Variants in EXOSC7 observed in about 807,000 individuals in gnomAD.
The protein encoded by EXOSC7 is exosome component 7.
Under a neutral mutation model 34.3 loss-of-function variants are expected in EXOSC7, and 25 were observed. The ratio of observed to expected loss-of-function variants is 0.73; its 90% CI spans 0.53 to 1.02. EXOSC7 has a LOEUF of 1.02. Ranked by LOEUF, EXOSC7 falls within the 50% of genes least tolerant of loss-of-function variation. The probability of loss-of-function intolerance (pLI) is 0.00; values close to 1 mark genes in which losing one functional copy is unlikely to be tolerated. For missense variants in EXOSC7, 370 were observed against 368.5 expected (o/e 1.00, Z -0.03); for synonymous variants, 130 against 143.0 (o/e 0.91, Z 0.65).
In EXOSC7 at chr3:45,001,594, T is replaced by C; in HGVS notation, c.477T>C (p.Ala159=). 1.2e-6 allele frequency: 2 copies of C among 1,612,656 alleles called. No homozygotes were observed. Among genetic ancestry groups the C allele is most frequent in the South Asian group, 1.1e-5 (1 of 91,056 alleles). The change falls in exon 5 of 8, where the codon GCT becomes GCC. Residue 159 remains alanine (A), a synonymous_variant. Transcript: ENST00000265564. The part of the protein sequence containing the change: ...FDAISIAVKA[A]LFNTRIPRVR... ...CCATTTCCATTGCTGTAAAGGCTGC[T>C]CTCTTCAATACAAGGTAAGTCTTCC...
At chr3:45,003,355 G>C (rs1706939200) in intron 5 of EXOSC7, among the ~76,000 whole-genome samples, 1 of 145,258 alleles carries the variant, frequency 6.9e-6, no homozygotes, top group Non-Finnish European at 1.5e-5. Context: ...GCGTGCGTGT[G>C]TGTGTGTATG....
intron 4 of EXOSC7, among the ~76,000 whole-genome samples, chr3:44,998,031 G>GTTTTT (rs200353427): frequency 7.7e-5 from 11 of 142,842 alleles, no homozygotes; most frequent in Admixed American, 7.0e-5. Flanking sequence ...ATTTTTTTTT[G>GTTTTT]TTTTTTTGTT....
At chr3:45,008,695 T>G (rs1275985276) in intron 7 of EXOSC7, among the ~76,000 whole-genome samples, 1 of 152,252 alleles carries the variant, frequency 6.6e-6, no homozygotes, top group East Asian at 1.9e-4. Context: ...GCAGCTCTTA[T>G]TCTCTGTGCT....
At chr3:44,988,988 T>C (rs1327892400) in intron 1 of EXOSC7, 152 bp from the exon 2 acceptor site, 1 of 603,490 alleles carries the variant, frequency 1.7e-6, no homozygotes, top group Non-Finnish European at 3.0e-6. Context: ...ATAGTAATGT[T>C]GTTGTTAGCT....
At chr3:45,011,589 A>AC (rs1414984682), downstream of EXOSC7, 3 of 312,630 alleles carry the variant, frequency 9.6e-6, no homozygotes, top group Non-Finnish European at 1.7e-5. Context: ...ACCAAGGGAG[A>AC]CCCCCACAAG....
At chr3:44,990,738 A>G (rs1472184203) in intron 3 of EXOSC7, among the ~76,000 whole-genome samples, 3 of 152,232 alleles carry the variant, frequency 2.0e-5, no homozygotes, top group Non-Finnish European at 4.4e-5. Context: ...TGCTTAATAC[A>G]TAATGAAGTT....
intron 1 of EXOSC7, among the ~76,000 whole-genome samples, chr3:44,984,994 CCATGAGT>C (rs1283187779): frequency 1.3e-5 from 2 of 152,224 alleles, no homozygotes; most frequent in African/African-American, 4.8e-5. Flanking sequence ...TGGCCTGGAA[CCATGAGT>C]CATGTTCCTA....
Position 44,989,630 on chromosome 3 carries a change from G to A in EXOSC7, c.240G>A (p.Glu80=). ...KLEKPNEGYL[E]FFVDCSASAT... ...AGAAACCAAATGAAGGCTACTTGGA[G>A]TTCTTTGTTGACTGGTCAGTACTGT... Residue 80 remains glutamate (E), a synonymous_variant, in exon 3 of 8, where the codon GAG becomes GAA. Transcript: ENST00000265564. 6.2e-7 allele frequency: 1 copy of A among 1,612,676 alleles called. No homozygotes were observed. The highest frequency in any genetic ancestry group is 1.1e-5 in the South Asian group (1 of 91,012).
At chr3:45,011,129 T>C in intron 7 of EXOSC7, 106 bp from the exon 8 acceptor site, 2 of 528,676 alleles carry the variant, frequency 3.8e-6, no homozygotes, top group Non-Finnish European at 6.5e-6. Flanking sequence ...GCAGATGGAA[T>C]GTGTACAATG....
chr3:44,976,879 C>G (rs188601162), intron 1 of EXOSC7, among the ~76,000 whole-genome samples: 68 of 152,284 alleles, frequency 4.5e-4, no homozygotes, highest in African/African-American at 1.4e-3. Flanking sequence ...GTCAAGAGAC[C>G]GTCCTGACCA....
chr3:45,005,593 T>C (rs1357518863), intron 6 of EXOSC7, among the ~76,000 whole-genome samples, 179 bp downstream of exon 6: 1 of 152,246 alleles, frequency 6.6e-6, no homozygotes, highest in Non-Finnish European at 1.5e-5. Context: ...AGTAGCTCTT[T>C]CTTTTCTTTT....
intron 1 of EXOSC7, among the ~76,000 whole-genome samples, chr3:44,981,666 C>T (rs1262200463): frequency 6.6e-6 from 1 of 152,110 alleles, no homozygotes; most frequent in Non-Finnish European, 1.5e-5. Flanking sequence ...ACCTGTAATC[C>T]CAGCCCTTTG....
Position 45,005,395 on chromosome 3 carries a change from G to A in EXOSC7, c.596G>A (p.Cys199Tyr). 6.2e-7 allele frequency: 1 copy of A among 1,614,124 alleles called. No homozygotes were observed. Among genetic ancestry groups the A allele is most frequent in the Non-Finnish European group, 8.5e-7 (1 of 1,180,006 alleles). ...CGACTAAGTGTGGAGAATGTCCCCT[G>A]CATTGTCACTCTGTGCAAGGTATAA... Reference protein sequence around the residue: ...CIRLSVENVPCIVTLCKIGYR... With the variant: ...CIRLSVENVPYIVTLCKIGYR... Residue 199 changes from cysteine (C) to tyrosine (Y), a missense_variant, in exon 6 of 8, where the codon TGC becomes TAC. By Grantham distance (194) the Cys-to-Tyr change is radical. Transcript: ENST00000265564.
At chr3:44,994,856 G>GGT (rs34579096) in intron 3 of EXOSC7, among the ~76,000 whole-genome samples, 3,744 of 134,866 alleles carry the variant, frequency 0.028, 60 homozygotes, top group Middle Eastern at 0.049. Context: ...TGGAAGAATG[G>GGT]GTGTGTGTGT....
Position 45,011,417 on chromosome 3 carries a change from G to A in EXOSC7, c.*78G>A. On this transcript the variant is annotated 3_prime_UTR_variant, in exon 8 of 8. Transcript: ENST00000265564. Reference sequence around the variant, plus strand: ...CGGTTCGTATATATTTTTCTTCGCTGTTACGAATTTACAGCAGCATTTGTA... The same window carrying A: ...CGGTTCGTATATATTTTTCTTCGCTATTACGAATTTACAGCAGCATTTGTA... The A allele has an allele frequency of 1.1e-6, 1 of 922,534 alleles. No individual in the cohort carries two copies. The highest frequency in any genetic ancestry group is 1.7e-6 in the Non-Finnish European group (1 of 593,964). 57.1% of individuals were successfully genotyped at this position (922,534 alleles called of 1,614,324 possible).
chr3:45,001,775 G>T, intron 5 of EXOSC7, 167 bp downstream of exon 5: 2 of 587,286 alleles, frequency 3.4e-6, no homozygotes, highest in South Asian at 2.2e-5. Flanking sequence ...GATAGATTTC[G>T]TGAATTAAAA....
intron 1 of EXOSC7, among the ~76,000 whole-genome samples, chr3:44,982,035 T>C (rs1391420003): frequency 2.0e-5 from 3 of 152,192 alleles, no homozygotes; most frequent in East Asian, 1.9e-4. Context: ...ACATCTCTGC[T>C]TTTCTCTGCC....
chr3:44,994,539 T>A (rs987161302), intron 3 of EXOSC7, among the ~76,000 whole-genome samples: 2 of 152,176 alleles, frequency 1.3e-5, no homozygotes, highest in Non-Finnish European at 1.5e-5. Flanking sequence ...TAAGGCCTTT[T>A]CCAGGTCTAC....
At chr3:44,999,515 C>T (rs185541056) in intron 4 of EXOSC7, among the ~76,000 whole-genome samples, 53 of 152,192 alleles carry the variant, frequency 3.5e-4, no homozygotes, top group African/African-American at 1.3e-3. Flanking sequence ...ATGGTGAAAC[C>T]CTGTCTCTAC....
Sources: gnomAD v4.1 joint callset for allele counts (sites outside exome capture counted in the v4.1 genomes callset) on GRCh38, gnomAD v4.1.1 for gene constraint, MANE v1.5 for transcripts, NCBI Gene and HGNC (gene_info 2026-07-23, HGNC 2026-07-21) for gene names.